PPP2R5B: variants seen among roughly 807,000 people sequenced by gnomAD.
The protein encoded by PPP2R5B is protein phosphatase 2 regulatory subunit B'beta.
PPP2R5B carries 19 observed loss-of-function variants against 59.9 expected under a neutral mutation model. That is an observed-to-expected ratio of 0.32 (90% CI 0.22 to 0.47). The LOEUF (loss-of-function observed/expected upper bound fraction) is 0.47, where lower values mean the gene tolerates loss of function less well. Among genes scored for constraint, PPP2R5B ranks in the 20% least tolerant of loss-of-function variants. The pLI is 1.00. For synonymous variants in PPP2R5B, 286 were observed against 260.5 expected (o/e 1.10, Z -0.94); for missense variants, 441 against 640.2 (o/e 0.69, Z 3.36).
upstream of PPP2R5B, among the ~76,000 whole-genome samples, chr11:64,921,502 C>A (rs1945110012): frequency 6.6e-6 from 1 of 152,200 alleles, no homozygotes; most frequent in Admixed American, 6.5e-5. Context: ...AGGAGTATCT[C>A]CCTCCCCCCA....
intron 1 of PPP2R5B, among the ~76,000 whole-genome samples, chr11:64,919,188 A>T (rs561756438): frequency 1.2e-4 from 19 of 152,254 alleles, no homozygotes; most frequent in Non-Finnish European, 1.9e-4. Context: ...AAAAATATTT[A>T]AAAAATTAGC....
At chr11:64,927,314 G>C (rs1590677218) in intron 3 of PPP2R5B, among the ~76,000 whole-genome samples, 1 of 152,200 alleles carries the variant, frequency 6.6e-6, no homozygotes, top group South Asian at 2.1e-4. Context: ...TTCACCCCTG[G>C]GTTCCCAGCC....
Position 64,931,526 on chromosome 11 carries a change from C to T in PPP2R5B, c.946-33C>T, listed in dbSNP as rs74749821. 221 of 1,614,120 alleles carry T rather than the reference C, an allele frequency of 1.4e-4. 2 individuals are homozygous for T. In the East Asian group the frequency reaches 4.5e-3, roughly 33 times the overall value. ...TGGGGGCTAAGGCAGCCTCTCACCT[C>T]TGCAGGCGTGACTCCTGTCTCATCT... On this transcript the variant is annotated intron_variant, in intron 9 of 13. Transcript: ENST00000164133. The surrounding 1 kb of genome is among the most constrained non-coding windows in gnomAD (Gnocchi z 5.0).
At position 64,933,772 on chromosome 11, in the gene PPP2R5B, GA is replaced by G; in HGVS notation, c.1423del (p.Thr475ProfsTer63). 2 of 1,554,970 alleles carry G rather than the reference GA, an allele frequency of 1.3e-6. No individual in the cohort carries two copies. Among genetic ancestry groups the G allele is most frequent in the Non-Finnish European group, 1.7e-6 (2 of 1,148,936 alleles). ...EELRLRRLQG[T>X]QGAKEAPLQR... ...AGCTGCGGCTACGCCGGCTACAGGG[GA>G]CCCAGGGGGCCAAGGAGGCCCCCCT... On this transcript the variant is annotated frameshift_variant, in exon 14 of 14. Coordinates refer to ENST00000164133, the MANE Select transcript of PPP2R5B (RefSeq NM_006244.4). LOFTEE classifies it high-confidence loss of function.
chr11:64,922,122 G>T (rs542312424), upstream of PPP2R5B, among the ~76,000 whole-genome samples: 9 of 152,078 alleles, frequency 5.9e-5, no homozygotes, highest in African/African-American at 1.9e-4. Flanking sequence ...TGAGGTGGGA[G>T]GATTGCTTGA....
At chr11:64,923,356 C>G (rs1186112651), upstream of PPP2R5B, among the ~76,000 whole-genome samples, 4 of 152,164 alleles carry the variant, frequency 2.6e-5, no homozygotes. Flanking sequence ...GCCTGCCCTC[C>G]CTCAGCTTGT....
chr11:64,919,011 C>T (rs894865528), intron 1 of PPP2R5B, among the ~76,000 whole-genome samples: 2 of 152,118 alleles, frequency 1.3e-5, no homozygotes, highest in African/African-American at 4.8e-5. Flanking sequence ...GAGCAGGCTC[C>T]ATTCAGGGAG....
At position 64,931,820 on chromosome 11, in the gene PPP2R5B, G is replaced by A; in HGVS notation, c.1068G>A (p.Glu356=). 6.2e-7 allele frequency: 1 copy of A among 1,614,208 alleles called. No homozygotes were observed. Among genetic ancestry groups the A allele is most frequent in the Non-Finnish European group, 8.5e-7 (1 of 1,180,036 alleles). ...CCTCCCAGTTTGTGAAGATCCAGGAGCCCCTTTTTAAGCAGGTGGCTCGCT... is the reference window on the plus strand; with the variant it reads ...CCTCCCAGTTTGTGAAGATCCAGGAACCCCTTTTTAAGCAGGTGGCTCGCT... ...IEPSQFVKIQ[E]PLFKQVARCV... Residue 356 remains glutamate, a synonymous_variant, in exon 11 of 14, where the codon GAG becomes GAA. Transcript: ENST00000164133. The surrounding 1 kb of genome is among the most constrained non-coding windows in gnomAD (Gnocchi z 5.0).
In PPP2R5B at chr11:64,925,940, T is replaced by C; in HGVS notation, c.199+7T>C. The C allele has an allele frequency of 6.2e-7, 1 of 1,609,416 alleles. No homozygotes were observed. Among genetic ancestry groups the C allele is most frequent in the Admixed American group, 1.7e-5 (1 of 59,818 alleles). Reference sequence around the variant, plus strand: ...CCGCTGCCCCTGCTCAAAGGTGAGCTGGCTGCTGGCCACTGGGGGAACCGA... The same window carrying C: ...CCGCTGCCCCTGCTCAAAGGTGAGCCGGCTGCTGGCCACTGGGGGAACCGA... On this transcript the variant is annotated splice_region_variant and intron_variant, in intron 2 of 13. Transcript: ENST00000164133. This position sits in a 1 kb window ranked among gnomAD's most constrained non-coding sequence, Gnocchi z 4.6.
At position 64,931,479 on chromosome 11, in the gene PPP2R5B, T is replaced by G; in HGVS notation, c.935T>G (p.Leu312Arg). ...CAGTTCCTGGAGAAGGATGCCACTC[T>G]GACAGAGCACGTGAGTACCTCTGGG... ...VVQFLEKDATLTEHVIRGLLK... is the reference protein window; with the variant it reads ...VVQFLEKDATRTEHVIRGLLK... The change falls in exon 9 of 14, where the codon CTG becomes CGG. Residue 312 changes from leucine (L) to arginine (R), a missense_variant. Leu to Arg is a moderately radical substitution (Grantham distance 102). This residue lies in a region of PPP2R5B where 268 missense variants were observed against 488.1 expected (regional missense o/e 0.55). Coordinates refer to ENST00000164133, the MANE Select transcript of PPP2R5B (RefSeq NM_006244.4). This position sits in a 1 kb window ranked among gnomAD's most constrained non-coding sequence, Gnocchi z 5.0. The G allele has an allele frequency of 6.2e-7, 1 of 1,614,144 alleles. No individual in the cohort carries two copies. Among genetic ancestry groups the G allele is most frequent in the Non-Finnish European group, 8.5e-7 (1 of 1,180,012 alleles).
Position 64,927,782 on chromosome 11 carries a change from AC to A in PPP2R5B, c.397-16del. On this transcript the variant is annotated intron_variant, in intron 3 of 13. Coordinates refer to ENST00000164133, the MANE Select transcript of PPP2R5B (RefSeq NM_006244.4). Reference sequence around the variant, plus strand: ...GTCTTCAAGGGCTTTTCCTTAATGAACCCCAACTCTGCCACTCAGATCTCAG... The same window carrying A: ...GTCTTCAAGGGCTTTTCCTTAATGAACCCAACTCTGCCACTCAGATCTCAG... 6.4e-7 allele frequency: 1 copy of A among 1,551,564 alleles called. No homozygotes were observed. Among genetic ancestry groups the A allele is most frequent in the Non-Finnish European group, 8.9e-7 (1 of 1,123,890 alleles).
upstream of PPP2R5B, among the ~76,000 whole-genome samples, chr11:64,920,454 A>T (rs183844972): frequency 1.6e-4 from 24 of 152,324 alleles, no homozygotes; most frequent in Admixed American, 1.1e-3. Context: ...AGCTCTGTAG[A>T]AAACCAACTC....
intron 11 of PPP2R5B, 115 bp from the exon 12 acceptor site, chr11:64,932,650 G>C (rs1459486927): frequency 2.3e-6 from 3 of 1,303,422 alleles, no homozygotes; most frequent in South Asian, 2.8e-5. Flanking sequence ...AAGCCCTGAA[G>C]GTGGGGTGTG....
At position 64,925,981 on chromosome 11, in the gene PPP2R5B, A is replaced by G. The variant is rs1945159727; in HGVS notation, c.199+48A>G. 1 of 1,566,778 alleles carries G rather than the reference A, an allele frequency of 6.4e-7. No individual in the cohort carries two copies. The highest frequency in any genetic ancestry group is 8.7e-7 in the Non-Finnish European group (1 of 1,150,678). ...GGGGAACCGAACCCCCGAGGGGACC[A>G]GCAGGGCCATGGGGAGGGGTGGGAG... is the stretch of plus-strand genomic sequence containing the variant. On this transcript the variant is annotated intron_variant, in intron 2 of 13. Coordinates refer to ENST00000164133, the MANE Select transcript of PPP2R5B (RefSeq NM_006244.4). The surrounding 1 kb of genome is among the most constrained non-coding windows in gnomAD (Gnocchi z 4.6).
Position 64,925,769 on chromosome 11 carries a change from C to A in PPP2R5B, c.35C>A (p.Thr12Asn). Residue 12 changes from threonine to asparagine, a missense_variant, in exon 2 of 14, where the codon ACT becomes AAT. Thr to Asn is a moderately conservative substitution (Grantham distance 65). This residue lies in a region of PPP2R5B where 103 missense variants were observed against 87.9 expected (regional missense o/e 1.17). Transcript: ENST00000164133. This position sits in a 1 kb window ranked among gnomAD's most constrained non-coding sequence, Gnocchi z 4.6. The stretch of plus-strand genomic sequence containing the variant: ...AAGCTGCCCCCTGCAAGCACCCCCA[C>A]TAGCCCCTCCTCCCCCGGGCTGTCG... ...ETKLPPASTP[T>N]SPSSPGLSPV... 6.3e-7 allele frequency: 1 copy of A among 1,590,426 alleles called. No homozygotes were observed. The highest frequency in any genetic ancestry group is 1.1e-5 in the South Asian group (1 of 89,346).
chr11:64,918,322 T>G (rs1443987691), intron 1 of PPP2R5B: 1 of 152,258 alleles, frequency 6.6e-6, no homozygotes, highest in Non-Finnish European at 1.5e-5. Flanking sequence ...ACCTCTTACA[T>G]CATGGGCGAC....
chr11:64,932,114 C>T (rs939013811), intron 11 of PPP2R5B, among the ~76,000 whole-genome samples: 2 of 152,182 alleles, frequency 1.3e-5, no homozygotes. Flanking sequence ...GTAAAATGGG[C>T]CAACAACCTC....
upstream of PPP2R5B, among the ~76,000 whole-genome samples, chr11:64,923,582 G>A (rs533437813): frequency 5.9e-5 from 9 of 152,260 alleles, no homozygotes; most frequent in East Asian, 1.9e-4. Flanking sequence ...TTTGGTAGGC[G>A]GACACCTCTT....
chr11:64,928,558 C>A (rs1945193977), intron 6 of PPP2R5B, 133 bp downstream of exon 6: 1 of 1,387,564 alleles, frequency 7.2e-7, no homozygotes, highest in Non-Finnish European at 9.8e-7. Flanking sequence ...GGGTGGATCA[C>A]CTAAGGTGAG....
Sources: gnomAD v4.1 joint callset for allele counts (sites outside exome capture counted in the v4.1 genomes callset) on GRCh38, gnomAD v4.1.1 for gene constraint, gnomAD v4.1.1 regional missense constraint, Gnocchi (gnomAD v3.1) non-coding constraint, MANE v1.5 for transcripts, NCBI Gene and HGNC (gene_info 2026-07-23, HGNC 2026-07-21) for gene names.